ARFIP1: variants seen among roughly 807,000 people sequenced by gnomAD.
The protein encoded by ARFIP1 is arfaptin-1.
A neutral mutation model predicts 42.5 loss-of-function variants in ARFIP1; 24 were observed. The ratio of observed to expected loss-of-function variants is 0.57; its 90% CI spans 0.41 to 0.80. The LOEUF (loss-of-function observed/expected upper bound fraction) is 0.80, where lower values mean the gene tolerates loss of function less well. ARFIP1 is among the 30% of genes least tolerant of loss of function. ARFIP1 has a pLI of 0.00. For synonymous variants in ARFIP1, 141 were observed against 153.7 expected, an observed-to-expected ratio of 0.92 and a Z score of 0.61; for missense variants, 354 against 434.0, an observed-to-expected ratio of 0.82 and a Z score of 1.64.
At chr4:152,866,284 A>G (rs1449683191) in intron 3 of ARFIP1, among the ~76,000 whole-genome samples, 1 of 152,272 alleles carries the variant, frequency 6.6e-6, no homozygotes, top group African/African-American at 2.4e-5. Flanking sequence ...ACACAGACAC[A>G]GCAACCATCC....
intron 1 of ARFIP1, among the ~76,000 whole-genome samples, chr4:152,815,170 T>A (rs990533151): frequency 1.2e-4 from 19 of 152,168 alleles, no homozygotes; most frequent in African/African-American, 4.6e-4. Flanking sequence ...AGTTTTTAGA[T>A]TCTTCTGCTT....
chr4:152,832,304 G>A (rs1245944099), intron 2 of ARFIP1, among the ~76,000 whole-genome samples: 2 of 152,106 alleles, frequency 1.3e-5, no homozygotes, highest in East Asian at 3.8e-4. Flanking sequence ...TCCCATTGTG[G>A]TTATAAAATG....
chr4:152,848,671 C>T (rs1226787977), intron 2 of ARFIP1, among the ~76,000 whole-genome samples: 1 of 152,196 alleles, frequency 6.6e-6, no homozygotes, highest in Non-Finnish European at 1.5e-5. Context: ...ACTTATTTAT[C>T]TCCTTTTCCC....
At chr4:152,792,843 A>AGCAGC (rs1403959575) in intron 1 of ARFIP1, among the ~76,000 whole-genome samples, 1 of 152,232 alleles carries the variant, frequency 6.6e-6, no homozygotes, top group Non-Finnish European at 1.5e-5. Flanking sequence ...GTAAAATCAA[A>AGCAGC]GCAGCTACAA....
At position 152,863,726 on chromosome 4, in the gene ARFIP1, T is replaced by C. The variant is rs1578958442; in HGVS notation, c.202+12T>C. The C allele has an allele frequency of 6.5e-7, 1 of 1,545,754 alleles. No individual in the cohort carries two copies. Among genetic ancestry groups the C allele is most frequent in the South Asian group, 1.1e-5 (1 of 88,288 alleles). On this transcript the variant is annotated intron_variant, in intron 3 of 8. Transcript: ENST00000353617. ...AGGAGCATTTCAAGGTAAGAGCCCA[T>C]ATATTTGTAAAGATGGCTGGGATAG...
intron 1 of ARFIP1, among the ~76,000 whole-genome samples, chr4:152,795,756 G>A (rs996138801): frequency 1.6e-5 from 2 of 125,628 alleles, no homozygotes; most frequent in African/African-American, 3.1e-5. Flanking sequence ...TTTCAGTGTT[G>A]TTTTAATTGG....
chr4:152,881,730 G>T (rs1735862559), intron 6 of ARFIP1, among the ~76,000 whole-genome samples: 1 of 152,138 alleles, frequency 6.6e-6, no homozygotes, highest in Non-Finnish European at 1.5e-5. Flanking sequence ...ACTGAGTACA[G>T]AGTGGAGTTA....
At chr4:152,856,797 G>A (rs188099709) in intron 2 of ARFIP1, among the ~76,000 whole-genome samples, 234 of 152,278 alleles carry the variant, frequency 1.5e-3, no homozygotes, top group Non-Finnish European at 2.6e-3. Flanking sequence ...CCACTGAAAA[G>A]CTGTCAAGAC....
chr4:152,897,860 CT>C (rs1169548092), intron 8 of ARFIP1, among the ~76,000 whole-genome samples: 1 of 151,818 alleles, frequency 6.6e-6, no homozygotes, highest in African/African-American at 2.4e-5. Flanking sequence ...CTTTGCTATA[CT>C]TTTTTAGTTC....
In ARFIP1 at chr4:152,881,184, T is replaced by C; in HGVS notation, c.633T>C (p.His211=). 1.9e-6 allele frequency: 3 copies of C among 1,591,810 alleles called. No homozygotes were observed. Among genetic ancestry groups the C allele is most frequent in the African/African-American group, 1.3e-5 (1 of 74,240 alleles). ...ADLSLKSLEL[H]EEFGYNADTQ... ...TGAGTTTGAAGTCACTAGAACTTCA[T>C]GTAAGATTATTCTAAATAACTATTA... Residue 211 remains histidine, a splice_region_variant and synonymous_variant, in exon 6 of 9, where the codon CAT becomes CAC. Transcript: ENST00000353617.
intron 1 of ARFIP1, among the ~76,000 whole-genome samples, chr4:152,783,414 T>C (rs1025051187): frequency 6.6e-6 from 1 of 152,228 alleles, no homozygotes; most frequent in East Asian, 1.9e-4. Flanking sequence ...CAGTTACATT[T>C]ATTTGCTTAC....
intron 8 of ARFIP1, among the ~76,000 whole-genome samples, chr4:152,903,812 A>C (rs1738050820): frequency 6.6e-6 from 1 of 152,116 alleles, no homozygotes. Context: ...CAGCTACAAA[A>C]GGAGCTGTCT....
At chr4:152,863,994 GTAGAT>G (rs1206929753) in intron 3 of ARFIP1, among the ~76,000 whole-genome samples, 4 of 152,170 alleles carry the variant, frequency 2.6e-5, no homozygotes, top group African/African-American at 9.7e-5. Flanking sequence ...AAATGTAGAT[GTAGAT>G]TATTTTAACT....
intron 1 of ARFIP1, among the ~76,000 whole-genome samples, chr4:152,822,656 GAT>G (rs1730484228): frequency 6.6e-6 from 1 of 152,156 alleles, no homozygotes; most frequent in Non-Finnish European, 1.5e-5. Flanking sequence ...TATATCACAT[GAT>G]AGGCCACAAA....
chr4:152,811,061 T>G (rs1241027179), intron 1 of ARFIP1, among the ~76,000 whole-genome samples: 3 of 149,002 alleles, frequency 2.0e-5, no homozygotes, highest in African/African-American at 7.5e-5. Context: ...AACATGGAAA[T>G]CGACAACAGC....
chr4:152,853,021 A>G (rs1312373252), intron 2 of ARFIP1, among the ~76,000 whole-genome samples: 2 of 152,224 alleles, frequency 1.3e-5, no homozygotes, highest in Non-Finnish European at 2.9e-5. Flanking sequence ...AAAGAACCCC[A>G]GCAGACAGTA....
At chr4:152,818,073 C>CT (rs1554023925) in intron 1 of ARFIP1, among the ~76,000 whole-genome samples, 2 of 152,150 alleles carry the variant, frequency 1.3e-5, no homozygotes, top group Non-Finnish European at 2.9e-5. Flanking sequence ...AAAAATAGTT[C>CT]TTTTTTCCCC....
intron 1 of ARFIP1, among the ~76,000 whole-genome samples, chr4:152,803,789 A>T (rs1728612288): frequency 1.3e-5 from 2 of 151,610 alleles, no homozygotes; most frequent in Admixed American, 1.3e-4. Context: ...AATGATATAA[A>T]TGGAGGTTAA....
At chr4:152,801,668 A>G (rs941858592) in intron 1 of ARFIP1, among the ~76,000 whole-genome samples, 2 of 152,330 alleles carry the variant, frequency 1.3e-5, no homozygotes, top group African/African-American at 2.4e-5. Context: ...TCATATTTCA[A>G]ATCTGTCTTG....
Sources: gnomAD v4.1 joint callset for allele counts (sites outside exome capture counted in the v4.1 genomes callset) on GRCh38, gnomAD v4.1.1 for gene constraint, MANE v1.5 for transcripts, NCBI Gene and HGNC (gene_info 2026-07-23, HGNC 2026-07-21) for gene names.